Variants in ANKS1B observed in about 807,000 individuals in gnomAD.
The protein encoded by ANKS1B is ankyrin repeat and sterile alpha motif domain-containing protein 1B.
Under a neutral mutation model 148.3 loss-of-function variants are expected in ANKS1B, and 36 were observed. The observed-to-expected ratio is 0.24, with a 90% CI of 0.19 to 0.32. ANKS1B has a LOEUF of 0.32. ANKS1B is among the 10% of genes least tolerant of loss of function. The probability of loss-of-function intolerance (pLI) is 1.00; values close to 1 mark genes in which losing one functional copy is unlikely to be tolerated. For missense variants in ANKS1B, 1,157 were observed against 1,542.6 expected (o/e 0.75, Z 4.19); for synonymous variants, 542 against 560.8 (o/e 0.97, Z 0.47).
At chr12:99,885,027 C>T (rs1603432863) in intron 1 of ANKS1B, among the ~76,000 whole-genome samples, 1 of 151,456 alleles carries the variant, frequency 6.6e-6, no homozygotes, top group East Asian at 1.9e-4. Context: ...CTTTGGTTCC[C>T]CCAATTTTTA....
intron 15 of ANKS1B, among the ~76,000 whole-genome samples, chr12:99,109,147 C>T (rs901729477): frequency 6.6e-6 from 1 of 151,842 alleles, no homozygotes; most frequent in Non-Finnish European, 1.5e-5. Context: ...AGAATGTTCC[C>T]AGGCTCTGGA....
chr12:99,021,041 G>A (rs553121724), intron 17 of ANKS1B, among the ~76,000 whole-genome samples: 8 of 152,042 alleles, frequency 5.3e-5, no homozygotes, highest in African/African-American at 1.9e-4. Flanking sequence ...CTTTGTATAT[G>A]CTGAATTTAA....
At chr12:98,837,111 C>CACGA (rs2099370084) in intron 17 of ANKS1B, among the ~76,000 whole-genome samples, 1 of 151,698 alleles carries the variant, frequency 6.6e-6, no homozygotes, top group Admixed American at 6.6e-5. Flanking sequence ...ATGGGTGGAT[C>CACGA]ACGAGGTCAG....
chr12:99,489,811 G>C (rs1393643063), intron 10 of ANKS1B, among the ~76,000 whole-genome samples: 1 of 152,052 alleles, frequency 6.6e-6, no homozygotes, highest in African/African-American at 2.4e-5. Context: ...TTATGCACAG[G>C]TGAAAAACAC....
chr12:99,511,661 T>C (rs1171841750), intron 9 of ANKS1B, among the ~76,000 whole-genome samples: 1 of 152,022 alleles, frequency 6.6e-6, no homozygotes, highest in African/African-American at 2.4e-5. Context: ...GACTTCAAAC[T>C]ATACTCAAGG....
intron 9 of ANKS1B, among the ~76,000 whole-genome samples, chr12:99,532,251 C>G (rs1401628928): frequency 1.3e-5 from 2 of 152,210 alleles, no homozygotes; most frequent in Admixed American, 6.5e-5. Flanking sequence ...GGGTCTGTGC[C>G]CTAAATTATT....
intron 14 of ANKS1B, among the ~76,000 whole-genome samples, chr12:99,206,534 G>T (rs1455443648): frequency 2.0e-5 from 3 of 152,164 alleles, no homozygotes; most frequent in African/African-American, 7.2e-5. Flanking sequence ...CAAGTGAAAA[G>T]TTTAATGATT....
rs1348122856 is a variant in ANKS1B, at chr12:99,399,642, G to A, written c.1745C>T (p.Thr582Ile). The A allele has an allele frequency of 6.2e-7, 1 of 1,613,198 alleles. No homozygotes were observed. Among genetic ancestry groups the A allele is most frequent in the Admixed American group, 1.7e-5 (1 of 59,952 alleles). Residue 582 changes from threonine to isoleucine, a missense_variant, in exon 12 of 27, where the codon ACT becomes ATT. Physicochemically the swap from Thr to Ile is moderately conservative, Grantham distance 89. Coordinates refer to ENST00000683438, the MANE Select transcript of ANKS1B (RefSeq NM_001352186.2). ...GTGAACTGCTTTACCTGTATGGTTA[G>A]TTCCCTCATTCTTGACTTCTGTGGT... Reference protein sequence around the residue: ...VGTTEVKNEGTNHTDDLSRQD... With the variant: ...VGTTEVKNEGINHTDDLSRQD...
intron 14 of ANKS1B, among the ~76,000 whole-genome samples, chr12:99,181,139 T>C (rs187954794): frequency 1.3e-5 from 2 of 152,344 alleles, no homozygotes; most frequent in Middle Eastern, 3.4e-3. Context: ...GTGTGTCACA[T>C]AAACTTTGGT....
rs561561031 is a variant in ANKS1B, at chr12:99,711,599, C to T, written c.1129-56389G>A. ...TGGCCAACAAGCATATGAAAAAAAG[C>T]TCAATATCAATGATCATTAGAGAAA... is the stretch of plus-strand genomic sequence containing the variant. On this transcript the variant is annotated intron_variant, in intron 8 of 26. Coordinates refer to ENST00000683438, the MANE Select transcript of ANKS1B (RefSeq NM_001352186.2). Among the ~76,000 whole-genome samples, 95 of 152,150 alleles carry T rather than the reference C, an allele frequency of 6.2e-4. 1 individual carries two copies. Among genetic ancestry groups the T allele is most frequent in the Admixed American group, 4.3e-3 (65 of 15,274 alleles).
chr12:99,751,829 G>A (rs2061136147), intron 8 of ANKS1B, among the ~76,000 whole-genome samples: 2 of 152,024 alleles, frequency 1.3e-5, no homozygotes, highest in African/African-American at 4.8e-5. Context: ...AAAAGGCACT[G>A]GGAGAAAGCC....
chr12:99,524,243 G>A (rs894321605), intron 9 of ANKS1B, among the ~76,000 whole-genome samples: 1 of 152,036 alleles, frequency 6.6e-6, no homozygotes, highest in Non-Finnish European at 1.5e-5. Flanking sequence ...TTTTTAAAAC[G>A]AAGATACTTT....
chr12:99,559,225 C>T (rs1014165548), intron 9 of ANKS1B, among the ~76,000 whole-genome samples: 1 of 152,078 alleles, frequency 6.6e-6, no homozygotes, highest in Non-Finnish European at 1.5e-5. Flanking sequence ...ATCTAGTTGG[C>T]CATTTTGGCT....
At chr12:99,082,544 T>C (rs1218316111) in intron 16 of ANKS1B, among the ~76,000 whole-genome samples, 1 of 152,088 alleles carries the variant, frequency 6.6e-6, no homozygotes, top group Non-Finnish European at 1.5e-5. Context: ...CCAGATACTG[T>C]ATAGAAATTC....
At chr12:99,042,070 AC>A (rs772998432) in intron 17 of ANKS1B, among the ~76,000 whole-genome samples, 3 of 150,544 alleles carry the variant, frequency 2.0e-5, no homozygotes, top group Non-Finnish European at 3.0e-5. Context: ...AAATAAAACA[AC>A]CCCCCCAAAA....
chr12:99,831,147 A>G (rs931598055), intron 1 of ANKS1B, among the ~76,000 whole-genome samples: 20 of 151,968 alleles, frequency 1.3e-4, no homozygotes, highest in African/African-American at 4.8e-4. Flanking sequence ...ATTGTAGGTG[A>G]CCAGTAAATA....
At position 99,711,416 on chromosome 12, in the gene ANKS1B, T is replaced by C. The variant is rs554185773; in HGVS notation, c.1129-56206A>G. 9.9e-5 allele frequency among the ~76,000 whole-genome samples: 15 copies of C among 152,258 alleles called. 1 individual carries two copies. The highest frequency in any genetic ancestry group is 3.6e-4 in the African/African-American group (15 of 41,542). ...CTAAGTCTAGTACTCATTAGTTATT[T>C]TTCCTGATCCTCTCCACCCTTCCAG... On this transcript the variant is annotated intron_variant, in intron 8 of 26. Transcript: ENST00000683438.
chr12:99,790,297 A>G (rs535362364), intron 4 of ANKS1B, among the ~76,000 whole-genome samples: 62 of 152,262 alleles, frequency 4.1e-4, no homozygotes, highest in Non-Finnish European at 5.6e-4. Context: ...AAGAGAAATA[A>G]AGACCTTCCC....
chr12:99,413,883 T>C (rs1351103255), intron 11 of ANKS1B, among the ~76,000 whole-genome samples: 2 of 152,142 alleles, frequency 1.3e-5, no homozygotes, highest in Non-Finnish European at 2.9e-5. Context: ...TCTCTTCCTC[T>C]CTGCCAGCTC....
Sources: gnomAD v4.1 joint callset for allele counts (sites outside exome capture counted in the v4.1 genomes callset) on GRCh38, gnomAD v4.1.1 for gene constraint, MANE v1.5 for transcripts, NCBI Gene and HGNC (gene_info 2026-07-23, HGNC 2026-07-21) for gene names.